Variants in SULF1 observed in about 807,000 individuals in gnomAD.
The protein encoded by SULF1 is extracellular sulfatase Sulf-1.
SULF1 carries 46 observed loss-of-function variants against 110.5 expected under a neutral mutation model. That is an observed-to-expected ratio of 0.42 (90% CI 0.33 to 0.53). The LOEUF (loss-of-function observed/expected upper bound fraction) is 0.53, where lower values mean the gene tolerates loss of function less well. Ranked by LOEUF, SULF1 falls within the 20% of genes least tolerant of loss-of-function variation. The pLI, the probability that SULF1 is intolerant of heterozygous loss-of-function variation, is 0.12. For missense variants in SULF1, 941 were observed against 1,094.2 expected (o/e 0.86, Z 1.98); for synonymous variants, 371 against 387.1 (o/e 0.96, Z 0.49).
rs1812937721 is a variant in SULF1, at chr8:69,659,036, CA to C, written c.*502del. 2.2e-6 allele frequency: 1 copy of C among 457,034 alleles called. No individual in the cohort carries two copies. The highest frequency in any genetic ancestry group is 2.3e-5 in the Admixed American group (1 of 42,580). The allele number at this position is 457,034 out of a possible 1,614,324, so 28.3% of individuals were successfully genotyped here. A position where few individuals can be genotyped will look rare whatever the true frequency, so the allele number is the denominator to read the frequency against. ...ACCGATTTCAGTGGCGATGGCATGA[CA>C]GAGCTAGAGCTCGGGCCCAGCCCCA... On this transcript the variant is annotated 3_prime_UTR_variant, in exon 23 of 23. Coordinates refer to ENST00000402687, the MANE Select transcript of SULF1 (RefSeq NM_001128205.2).
At chr8:69,480,072 G>A (rs988301065) in intron 1 of SULF1, among the ~76,000 whole-genome samples, 2 of 151,960 alleles carry the variant, frequency 1.3e-5, no homozygotes, top group South Asian at 2.1e-4. Context: ...ACCAAGCACC[G>A]TTGCTATGGA....
intron 8 of SULF1, among the ~76,000 whole-genome samples, chr8:69,596,902 C>T (rs7002022): frequency 6.6e-6 from 1 of 152,078 alleles, no homozygotes; most frequent in African/African-American, 2.4e-5. Flanking sequence ...CTCTTAACCC[C>T]TACAAGAACT....
intron 3 of SULF1, among the ~76,000 whole-genome samples, chr8:69,542,377 G>A (rs60194073): frequency 0.012 from 1,879 of 152,042 alleles, 39 homozygotes; most frequent in African/African-American, 0.043. Context: ...GAACATGAAG[G>A]AAACTGCTTT....
intron 13 of SULF1, among the ~76,000 whole-genome samples, chr8:69,613,352 GT>G (rs534939520): frequency 0.01 from 1,412 of 136,706 alleles, 14 homozygotes; most frequent in African/African-American, 0.033. Flanking sequence ...CAATTTTTGG[GT>G]TTTTTTTTTT....
intron 3 of SULF1, among the ~76,000 whole-genome samples, chr8:69,540,796 G>A (rs749771326): frequency 7.9e-5 from 12 of 152,038 alleles, no homozygotes; most frequent in South Asian, 2.1e-4. Flanking sequence ...ATGGAAGGCC[G>A]ATGAAAAGTC....
chr8:69,578,249 T>C (rs1805767147), intron 6 of SULF1, among the ~76,000 whole-genome samples: 1 of 152,212 alleles, frequency 6.6e-6, no homozygotes, highest in African/African-American at 2.4e-5. Context: ...TCAAAGATGA[T>C]TTAGTTCCAT....
intron 22 of SULF1, among the ~76,000 whole-genome samples, chr8:69,652,067 A>G (rs1249852034): frequency 2.0e-5 from 3 of 152,148 alleles, no homozygotes; most frequent in Non-Finnish European, 2.9e-5. Flanking sequence ...AAATACAAAA[A>G]TGTAGCCAAT....
At chr8:69,549,105 C>G (rs1247512413) in intron 3 of SULF1, among the ~76,000 whole-genome samples, 2 of 152,164 alleles carry the variant, frequency 1.3e-5, no homozygotes, top group African/African-American at 4.8e-5. Flanking sequence ...GAACAGCACT[C>G]GCAGTTTCCA....
intron 6 of SULF1, among the ~76,000 whole-genome samples, chr8:69,578,682 C>G (rs1187808760): frequency 2.0e-5 from 3 of 151,880 alleles, no homozygotes; most frequent in Non-Finnish European, 1.5e-5. Flanking sequence ...TTGTGCAGCC[C>G]GAGAAGTTTG....
chr8:69,573,320 T>A (rs1805373779), intron 5 of SULF1, among the ~76,000 whole-genome samples: 1 of 152,222 alleles, frequency 6.6e-6, no homozygotes, highest in South Asian at 2.1e-4. Flanking sequence ...GAGAGGAGAA[T>A]CCTAGCTGGG....
intron 5 of SULF1, among the ~76,000 whole-genome samples, chr8:69,574,809 T>C (rs1324676070): frequency 6.6e-6 from 1 of 152,178 alleles, no homozygotes; most frequent in African/African-American, 2.4e-5. Flanking sequence ...GAGGCATATT[T>C]TAGGGAGCTC....
intron 8 of SULF1, among the ~76,000 whole-genome samples, chr8:69,593,738 A>C (rs558724951): frequency 6.6e-6 from 1 of 152,332 alleles, no homozygotes; most frequent in South Asian, 2.1e-4. Flanking sequence ...AAATCTGAGA[A>C]AGCCTCTGTC....
intron 1 of SULF1, among the ~76,000 whole-genome samples, chr8:69,483,805 C>A (rs1376870666): frequency 6.6e-6 from 1 of 152,038 alleles, no homozygotes; most frequent in Non-Finnish European, 1.5e-5. Context: ...AAGCAAAAAA[C>A]AAAAACATTC....
chr8:69,638,780 C>A lies in SULF1; in HGVS notation c.2473C>A (p.Leu825Ile), dbSNP rs1255674500. Reference sequence around the variant, plus strand: ...GGTAGAACGAGGCATTTTGAATCAGCTACACGTACAACTAATGGAGCTCAG... The same window carrying A: ...GGTAGAACGAGGCATTTTGAATCAGATACACGTACAACTAATGGAGCTCAG... ...HTVERGILNQ[L>I]HVQLMELRSC... The change falls in exon 21 of 23, where the codon CTA becomes ATA. Residue 825 changes from leucine to isoleucine, a missense_variant. Physicochemically the swap from Leu to Ile is conservative, Grantham distance 5. Around this residue, in one of 3 missense-constraint regions of SULF1, gnomAD observed 112 missense variants for 133.5 expected, o/e 0.84. Transcript: ENST00000402687. The A allele has an allele frequency of 6.2e-7, 1 of 1,614,090 alleles. No homozygotes were observed. The highest frequency in any genetic ancestry group is 1.7e-5 in the Admixed American group (1 of 60,016).
intron 1 of SULF1, among the ~76,000 whole-genome samples, chr8:69,478,827 C>G (rs963156073): frequency 1.3e-5 from 2 of 152,170 alleles, no homozygotes; most frequent in Non-Finnish European, 2.9e-5. Flanking sequence ...GCCTCTGCAT[C>G]TATCAAGCAT....
At chr8:69,562,592 A>G (rs1351060741) in intron 3 of SULF1, among the ~76,000 whole-genome samples, 2 of 152,212 alleles carry the variant, frequency 1.3e-5, no homozygotes, top group African/African-American at 2.4e-5. Context: ...TTTCCAAGAG[A>G]AAAGCTTTCA....
At chr8:69,565,527 A>G (rs1018586236) in intron 5 of SULF1, among the ~76,000 whole-genome samples, 1 of 151,196 alleles carries the variant, frequency 6.6e-6, no homozygotes, top group Non-Finnish European at 1.5e-5. Flanking sequence ...TTAATATCTC[A>G]CCCATCCATC....
At chr8:69,590,686 T>A (rs1806833506) in intron 8 of SULF1, among the ~76,000 whole-genome samples, 1 of 152,170 alleles carries the variant, frequency 6.6e-6, no homozygotes, top group African/African-American at 2.4e-5. Flanking sequence ...TAAAATATCA[T>A]CGACAAATCA....
chr8:69,617,286 C>T (rs1197921326), intron 13 of SULF1, among the ~76,000 whole-genome samples: 2 of 150,320 alleles, frequency 1.3e-5, no homozygotes, highest in Non-Finnish European at 3.0e-5. Context: ...ATCTTCCCAC[C>T]TCAGCCTCCC....
Sources: gnomAD v4.1 joint callset for allele counts (sites outside exome capture counted in the v4.1 genomes callset) on GRCh38, gnomAD v4.1.1 for gene constraint, gnomAD v4.1.1 regional missense constraint, MANE v1.5 for transcripts, NCBI Gene and HGNC (gene_info 2026-07-23, HGNC 2026-07-21) for gene names.